The following ASB4 variants were observed in gnomAD, a reference collection of about 807,000 sequenced individuals.
The protein encoded by ASB4 is ankyrin repeat and SOCS box containing 4.
In ASB4, 35 loss-of-function variants were observed where a neutral mutation model predicts 38.6. The observed-to-expected ratio is 0.91, with a 90% CI of 0.69 to 1.20. ASB4 has a LOEUF of 1.20. Ranked by LOEUF, ASB4 falls within the 50% of genes most tolerant of loss-of-function variation. The probability of loss-of-function intolerance (pLI) is 0.00; values close to 1 mark genes in which losing one functional copy is unlikely to be tolerated. For synonymous variants in ASB4, 195 were observed against 201.3 expected (o/e 0.97, Z 0.26); for missense variants, 557 against 527.2 (o/e 1.06, Z -0.55).
intron 3 of ASB4, chr7:95,528,884 G>A (rs1479053503): frequency 4.0e-6 from 1 of 251,642 alleles, no homozygotes; most frequent in East Asian, 1.8e-4. Context: ...GGAGGAAACT[G>A]AGGCACAGTT....
At chr7:95,549,316 A>G in the ASB4 span, among the ~76,000 whole-genome samples, 3 of 34,784 alleles carry the variant, frequency 8.6e-5, no homozygotes, top group East Asian at 6.7e-3. Context: ...TTTTTTTTTG[A>G]GATGGAGTCT....
At chr7:95,549,301 A>ATTTTT in the ASB4 span, among the ~76,000 whole-genome samples, 16 of 114,848 alleles carry the variant, frequency 1.4e-4, no homozygotes, top group Non-Finnish European at 2.4e-4. Context: ...AGGAGACTCC[A>ATTTTT]TTTTTTTTTT....
At chr7:95,550,046 G>A in the ASB4 span, among the ~76,000 whole-genome samples, 2 of 152,190 alleles carry the variant, frequency 1.3e-5, no homozygotes, top group African/African-American at 4.8e-5. Context: ...ACCATAATAG[G>A]AGGTTAGCTG....
At chr7:95,510,857 A>C (rs182766607) in intron 2 of ASB4, among the ~76,000 whole-genome samples, 1 of 152,200 alleles carries the variant, frequency 6.6e-6, no homozygotes, top group Non-Finnish European at 1.5e-5. Flanking sequence ...TGAAGGATGA[A>C]GTTTCCTTAG....
chr7:95,521,797 T>C (rs187143585), intron 2 of ASB4, among the ~76,000 whole-genome samples: 2 of 111,232 alleles, frequency 1.8e-5, no homozygotes, highest in African/African-American at 6.4e-5. Flanking sequence ...TAATAGTATA[T>C]TTTTTAAATG....
chr7:95,549,659 T>C, the ASB4 span, among the ~76,000 whole-genome samples: 8 of 152,112 alleles, frequency 5.3e-5, no homozygotes, highest in African/African-American at 1.9e-4. Context: ...TGATGAAATC[T>C]TACAGTCTGT....
chr7:95,507,034 A>C (rs1300773638), intron 2 of ASB4, among the ~76,000 whole-genome samples: 2 of 151,956 alleles, frequency 1.3e-5, no homozygotes, highest in Non-Finnish European at 2.9e-5. Context: ...ACTATATTAG[A>C]GGTTTTCCTC....
intron 3 of ASB4, chr7:95,528,657 G>T: frequency 8.6e-7 from 1 of 1,165,960 alleles, no homozygotes; most frequent in South Asian, 3.7e-5. Flanking sequence ...CAGAATGACT[G>T]ATCTAAAGAT....
chr7:95,486,342 T>C (rs1790090506), intron 1 of ASB4, among the ~76,000 whole-genome samples, 184 bp downstream of exon 1: 1 of 152,202 alleles, frequency 6.6e-6, no homozygotes, highest in African/African-American at 2.4e-5. Context: ...TATATATGTA[T>C]AAGTCGTGTC....
upstream of ASB4, among the ~76,000 whole-genome samples, chr7:95,485,151 C>A (rs1790071309): frequency 6.6e-6 from 1 of 151,902 alleles, no homozygotes; most frequent in East Asian, 1.9e-4. Context: ...GACAATTTAT[C>A]CCTTAATGTA....
intron 2 of ASB4, among the ~76,000 whole-genome samples, chr7:95,515,134 C>T (rs1790536172): frequency 6.6e-6 from 1 of 151,780 alleles, no homozygotes; most frequent in African/African-American, 2.4e-5. Context: ...AACCTCTGTC[C>T]AAGCAATTGT....
upstream of ASB4, among the ~76,000 whole-genome samples, chr7:95,477,769 TACAAGC>T (rs1789990898): frequency 6.6e-6 from 1 of 151,768 alleles, no homozygotes; most frequent in African/African-American, 2.4e-5. Context: ...TCTGTGATTC[TACAAGC>T]AAAATTAAGT....
chr7:95,470,820 T>C, the ASB4 span, among the ~76,000 whole-genome samples: 1 of 152,240 alleles, frequency 6.6e-6, no homozygotes, highest in Admixed American at 6.5e-5. Flanking sequence ...GGTTTTCTTT[T>C]TTCCCCCCAT....
At chr7:95,546,117 T>C in the ASB4 span, among the ~76,000 whole-genome samples, 2 of 152,212 alleles carry the variant, frequency 1.3e-5, no homozygotes, top group Non-Finnish European at 2.9e-5. Flanking sequence ...CAATAATTGT[T>C]TAGTACAATG....
chr7:95,522,262 A>C (rs1345626140), intron 2 of ASB4, among the ~76,000 whole-genome samples: 1 of 152,198 alleles, frequency 6.6e-6, no homozygotes, highest in Non-Finnish European at 1.5e-5. Context: ...TTGATTTATT[A>C]GAACTTTACC....
rs77558301 is a variant in ASB4, at chr7:95,509,903, A to G, written c.487+13846A>G. Among the ~76,000 whole-genome samples the G allele has an allele frequency of 3.3e-4, 51 of 152,312 alleles. 1 individual carries two copies. In the East Asian group the frequency reaches 9.7e-3, roughly 29 times the overall value. ...CCTCAGTACAAAGCTTGTCAGATTC[A>G]AGCAGATCAAATTTTATTTGTTTTG... On this transcript the variant is annotated intron_variant, in intron 2 of 4. Coordinates refer to ENST00000325885, the MANE Select transcript of ASB4 (RefSeq NM_016116.3).
intron 2 of ASB4, among the ~76,000 whole-genome samples, chr7:95,524,722 A>G (rs1174620832): frequency 1.3e-5 from 2 of 152,196 alleles, no homozygotes; most frequent in African/African-American, 4.8e-5. Context: ...CTATTGCAGT[A>G]TGACTGGTGT....
At chr7:95,510,452 C>T (rs1790464172) in intron 2 of ASB4, among the ~76,000 whole-genome samples, 1 of 152,208 alleles carries the variant, frequency 6.6e-6, no homozygotes, top group African/African-American at 2.4e-5. Flanking sequence ...ACACTTTGAT[C>T]AATTTCTAAT....
chr7:95,531,932 GT>G (rs1790824660), intron 3 of ASB4, among the ~76,000 whole-genome samples: 1 of 152,162 alleles, frequency 6.6e-6, no homozygotes, highest in African/African-American at 2.4e-5. Context: ...GCTCCTTTGA[GT>G]TCCTTTAGTT....
Sources: allele counts gnomAD v4.1 joint callset (sites outside exome capture counted in the v4.1 genomes callset), GRCh38; gene constraint gnomAD v4.1.1; transcripts MANE v1.5; gene names NCBI Gene and HGNC (gene_info 2026-07-23, HGNC 2026-07-21).